The following CNNM1 variants were observed in gnomAD, a reference collection of about 807,000 sequenced individuals.
CNNM1 encodes cyclin and CBS domain divalent metal cation transport mediator 1.
In CNNM1, 44 loss-of-function variants were observed where a neutral mutation model predicts 78.8. That is an observed-to-expected ratio of 0.56 (90% CI 0.44 to 0.72). The LOEUF (loss-of-function observed/expected upper bound fraction) is 0.72. Ranked by LOEUF, CNNM1 falls within the 30% of genes least tolerant of loss-of-function variation. The probability of loss-of-function intolerance (pLI) is 0.00; values close to 1 mark genes in which losing one functional copy is unlikely to be tolerated. For missense variants in CNNM1, 1,101 were observed against 1,292.2 expected, an observed-to-expected ratio of 0.85 and a Z score of 2.27; for synonymous variants, 584 against 581.5, an observed-to-expected ratio of 1.00 and a Z score of -0.06.
At chr10:99,366,689 G>C (rs2031631170) in intron 6 of CNNM1, among the ~76,000 whole-genome samples, 1 of 152,102 alleles carries the variant, frequency 6.6e-6, no homozygotes, top group Non-Finnish European at 1.5e-5. Context: ...GGCTGAGGCA[G>C]GTGAATCACT....
In CNNM1 at chr10:99,377,214, T is replaced by C. The variant is rs2031998639; in HGVS notation, c.2336T>C (p.Val779Ala). 6.2e-7 allele frequency: 1 copy of C among 1,613,356 alleles called. No homozygotes were observed. The highest frequency in any genetic ancestry group is 1.7e-5 in the Admixed American group (1 of 59,984). ...CACATCCTCAGCGATGTGCAGTTTG[T>C]GAAGGTAACTCCCCCAGGAAGGTTA... ...SVHILSDVQF[V>A]KITRQQYQNA... is the part of the protein sequence containing the mutation. Residue 779 changes from valine to alanine, a missense_variant, in exon 7 of 11, where the codon GTG becomes GCG. This residue lies in a region of CNNM1 where 348 missense variants were observed against 384.5 expected (regional missense o/e 0.90). Transcript: ENST00000356713.
chr10:99,371,521 G>A (rs543705231), intron 6 of CNNM1, among the ~76,000 whole-genome samples: 17 of 152,082 alleles, frequency 1.1e-4, no homozygotes, highest in African/African-American at 2.7e-4. Flanking sequence ...TTCAGTGCTC[G>A]GTTATCTATT....
At chr10:99,374,018 G>T (rs1221153949) in intron 6 of CNNM1, among the ~76,000 whole-genome samples, 1 of 152,188 alleles carries the variant, frequency 6.6e-6, no homozygotes, top group Non-Finnish European at 1.5e-5. Context: ...ATTGTGAATA[G>T]TGCTGCAAGA....
rs1308644341 is a variant in CNNM1, at chr10:99,330,895, A to G, written c.1508A>G (p.Asn503Ser). The change falls in exon 1 of 11, where the codon AAC becomes AGC. Residue 503 changes from asparagine to serine, a missense_variant. Asn to Ser is a conservative substitution (Grantham distance 46). This residue lies in a region of CNNM1 where 277 missense variants were observed against 423.2 expected (regional missense o/e 0.65). Transcript: ENST00000356713. ...CTCCTCACTGTCACCCGCTTCTACA[A>G]CCGGCCCCTGCATTGTGTTTTCAAT... ...TPLLTVTRFY[N>S]RPLHCVFNDT... is the part of the protein sequence containing the mutation. 5 of 1,614,076 alleles carry G rather than the reference A, an allele frequency of 3.1e-6. No individual in the cohort carries two copies. In the South Asian group the frequency reaches 3.3e-5, roughly 11 times the overall value.
At chr10:99,378,310 A>G (rs1466442503) in intron 7 of CNNM1, among the ~76,000 whole-genome samples, 2 of 152,146 alleles carry the variant, frequency 1.3e-5, no homozygotes, top group East Asian at 1.9e-4. Context: ...TTGTCCTGAG[A>G]TCTAGCTAGA....
intron 6 of CNNM1, 59 bp from the exon 7 acceptor site, chr10:99,376,996 C>A: frequency 8.2e-7 from 1 of 1,218,668 alleles, no homozygotes; most frequent in Non-Finnish European, 1.2e-6. Flanking sequence ...TCCCTCCCTC[C>A]CCCTTCTTCC....
intron 6 of CNNM1, 33 bp downstream of exon 6, chr10:99,365,035 C>T (rs1217587954): frequency 1.1e-5 from 18 of 1,612,468 alleles, no homozygotes; most frequent in Non-Finnish European, 1.4e-5. Flanking sequence ...CCTCGTCCTC[C>T]CCATCGTAGT....
Position 99,330,605 on chromosome 10 carries a change from C to G in CNNM1, c.1218C>G (p.Pro406=). 6.2e-7 allele frequency: 1 copy of G among 1,613,556 alleles called. No homozygotes were observed. The highest frequency in any genetic ancestry group is 1.3e-5 in the African/African-American group (1 of 75,046). The change falls in exon 1 of 11, where the codon CCC becomes CCG. Residue 406 remains proline, a synonymous_variant. Coordinates refer to ENST00000356713, the MANE Select transcript of CNNM1 (RefSeq NM_020348.3). The part of the protein sequence containing the change: ...KLLETLRAAD[P]YSDLVKEELN... The stretch of plus-strand genomic sequence containing the variant: ...TGGAGACGTTGCGGGCCGCAGACCC[C>G]TACAGTGACCTGGTGAAGGAGGAGC...
intron 1 of CNNM1, among the ~76,000 whole-genome samples, chr10:99,353,837 T>C (rs567086034): frequency 6.6e-6 from 1 of 152,350 alleles, no homozygotes; most frequent in African/African-American, 2.4e-5. Context: ...AGGTACATTA[T>C]CTTAAATATT....
At chr10:99,350,391 G>A (rs1255045134) in intron 1 of CNNM1, among the ~76,000 whole-genome samples, 1 of 152,180 alleles carries the variant, frequency 6.6e-6, no homozygotes, top group African/African-American at 2.4e-5. Context: ...CTTGGGAACA[G>A]TTACCAAAGT....
chr10:99,377,656 T>C (rs1192043486), intron 7 of CNNM1, among the ~76,000 whole-genome samples: 1 of 152,218 alleles, frequency 6.6e-6, no homozygotes, highest in Non-Finnish European at 1.5e-5. Flanking sequence ...TGCCTGTCTG[T>C]TGGTTAAAAA....
At chr10:99,359,004 CAAAAAAAAAAAAAAAAAA>C (rs769541046) in intron 2 of CNNM1, among the ~76,000 whole-genome samples, 15 of 51,516 alleles carry the variant, frequency 2.9e-4, no homozygotes, top group Non-Finnish European at 5.1e-4. Flanking sequence ...AAGACTGTCT[CAAAAAAAAAAAAAAAAAA>C]AAAAAAAAAA....
intron 9 of CNNM1, among the ~76,000 whole-genome samples, chr10:99,388,712 AT>A (rs1172731427): frequency 1.3e-5 from 2 of 152,230 alleles, no homozygotes; most frequent in Non-Finnish European, 2.9e-5. Context: ...GATAACATAC[AT>A]AAAAGGCATA....
intron 6 of CNNM1, chr10:99,368,698 T>C: frequency 7.8e-7 from 1 of 1,288,596 alleles, no homozygotes; most frequent in Non-Finnish European, 1.0e-6. Context: ...TGCATGGGTG[T>C]CTCGGGTCTC....
intron 1 of CNNM1, among the ~76,000 whole-genome samples, chr10:99,342,649 G>A (rs1205681521): frequency 1.3e-5 from 2 of 151,898 alleles, no homozygotes; most frequent in African/African-American, 4.8e-5. Flanking sequence ...GGTAGGGAAT[G>A]ATTTCACTTG....
At chr10:99,386,464 G>A (rs1589924507) in intron 7 of CNNM1, among the ~76,000 whole-genome samples, 1 of 152,132 alleles carries the variant, frequency 6.6e-6, no homozygotes, top group Non-Finnish European at 1.5e-5. Context: ...ACCATCAAGA[G>A]AAAACTCTAT....
At chr10:99,360,734 C>A in intron 2 of CNNM1, 101 bp from the exon 3 acceptor site, 1 of 1,428,756 alleles carries the variant, frequency 7.0e-7, no homozygotes, top group Non-Finnish European at 9.4e-7. Context: ...CCATAGTTGA[C>A]ACTGCAGAAA....
chr10:99,364,873 G>A (rs2031560177), intron 5 of CNNM1, 82 bp from the exon 6 acceptor site: 2 of 1,312,242 alleles, frequency 1.5e-6, no homozygotes, highest in African/African-American at 1.4e-5. Context: ...TGGTGCTGGG[G>A]GTGGATAGAA....
At chr10:99,388,608 A>T (rs1358806912) in intron 9 of CNNM1, among the ~76,000 whole-genome samples, 1 of 152,174 alleles carries the variant, frequency 6.6e-6, no homozygotes, top group Admixed American at 6.5e-5. Flanking sequence ...TGAACCTAAG[A>T]CTCAGTTTTT....
Sources: gnomAD v4.1 joint callset for allele counts (sites outside exome capture counted in the v4.1 genomes callset) on GRCh38, gnomAD v4.1.1 for gene constraint, gnomAD v4.1.1 regional missense constraint, MANE v1.5 for transcripts, NCBI Gene and HGNC (gene_info 2026-07-23, HGNC 2026-07-21) for gene names.